Variants in LY75 observed in about 807,000 individuals in gnomAD.
LY75 encodes the protein lymphocyte antigen 75, also known as C-type lectin domain family 13 member B.
Under a neutral mutation model 231.7 loss-of-function variants are expected in LY75, and 185 were observed. The ratio of observed to expected loss-of-function variants is 0.80; its 90% CI spans 0.71 to 0.90. LY75 has a LOEUF of 0.90. Ranked by LOEUF, LY75 falls within the 40% of genes least tolerant of loss-of-function variation. The probability of loss-of-function intolerance (pLI) is 0.00; values close to 1 mark genes in which losing one functional copy is unlikely to be tolerated. For missense variants in LY75, 1,947 were observed against 2,050.2 expected, an observed-to-expected ratio of 0.95 and a Z score of 0.97; for synonymous variants, 668 against 689.0, an observed-to-expected ratio of 0.97 and a Z score of 0.48.
chr2:159,850,863 T>C (rs1339721202), intron 21 of LY75, among the ~76,000 whole-genome samples: 2 of 144,868 alleles, frequency 1.4e-5, no homozygotes, highest in Non-Finnish European at 3.0e-5. Flanking sequence ...ATATTATATC[T>C]TTATATATTT....
chr2:159,834,140 T>A lies in LY75; in HGVS notation c.3745A>T (p.Ile1249Leu), dbSNP rs988534799. The A allele has an allele frequency of 6.2e-7, 1 of 1,614,090 alleles. No homozygotes were observed. Among genetic ancestry groups the A allele is most frequent in the South Asian group, 1.1e-5 (1 of 91,078 alleles). ...CPSPVLNTPW[I>L]PFQNCCYNFI... ...TTGTAGCAACAGTTCTGAAATGGTA[T>A]CCACGGAGTATTTAGAACAGGAGAT... The change falls in exon 27 of 35, where the codon ATA (isoleucine) becomes TTA (leucine). Residue 1249 changes from isoleucine to leucine, a missense_variant. Coordinates refer to ENST00000263636, the MANE Select transcript of LY75 (RefSeq NM_002349.4).
chr2:159,902,541 G>C (rs1686111130), intron 1 of LY75: 1 of 152,182 alleles, frequency 6.6e-6, no homozygotes, highest in East Asian at 1.9e-4. Context: ...ACAGACAAAT[G>C]GATAGGGAAA....
chr2:159,851,225 A>T (rs2125854628), intron 21 of LY75, among the ~76,000 whole-genome samples: 1 of 152,282 alleles, frequency 6.6e-6, no homozygotes, highest in East Asian at 1.9e-4. Context: ...GTTAAAATGT[A>T]CCCCTAGCTT....
chr2:159,885,576 T>C (rs1014259662), intron 5 of LY75, among the ~76,000 whole-genome samples: 14 of 152,208 alleles, frequency 9.2e-5, no homozygotes, highest in Non-Finnish European at 1.5e-4. Flanking sequence ...GGCCATATTC[T>C]ATGCTTAGTA....
intron 3 of LY75, among the ~76,000 whole-genome samples, chr2:159,891,653 CACACA>C (rs1685761372): frequency 6.6e-6 from 1 of 152,188 alleles, no homozygotes; most frequent in African/African-American, 2.4e-5. Context: ...CCCCAGCACA[CACACA>C]ACACCCACAG....
chr2:159,807,840 T>A, intron 33 of LY75: 1 of 978,000 alleles, frequency 1.0e-6, no homozygotes, highest in Non-Finnish European at 1.2e-6. Flanking sequence ...CTAAACCCTG[T>A]ATCTACTATT....
Position 159,804,962 on chromosome 2 carries a change from G to C in LY75, c.*82C>G, listed in dbSNP as rs1022681041. 1.8e-6 allele frequency: 2 copies of C among 1,083,564 alleles called. No homozygotes were observed. The highest frequency in any genetic ancestry group is 2.7e-6 in the Non-Finnish European group (2 of 732,526). 67.1% of individuals were successfully genotyped at this position (1,083,564 alleles called of 1,614,324 possible). A position where few individuals can be genotyped will look rare whatever the true frequency, so the allele number is the denominator to read the frequency against. ...TATTTAAGAGTTCTACTTTGGAGCA[G>C]AGTAAATACTGACACTGGGACATTT... On this transcript the variant is annotated 3_prime_UTR_variant, in exon 35 of 35. Coordinates refer to ENST00000263636, the MANE Select transcript of LY75 (RefSeq NM_002349.4).
chr2:159,901,861 A>G (rs1686091377), intron 1 of LY75, among the ~76,000 whole-genome samples: 1 of 152,232 alleles, frequency 6.6e-6, no homozygotes, highest in South Asian at 2.1e-4. Flanking sequence ...CTCCATATAT[A>G]AGGTATGTAT....
chr2:159,837,277 A>T (rs1683860126), intron 25 of LY75, among the ~76,000 whole-genome samples: 1 of 152,254 alleles, frequency 6.6e-6, no homozygotes, highest in Admixed American at 6.5e-5. Flanking sequence ...AAGAAGATGT[A>T]GCACATATAC....
At chr2:159,820,996 G>A (rs541235754) in intron 28 of LY75, among the ~76,000 whole-genome samples, 29 of 152,180 alleles carry the variant, frequency 1.9e-4, no homozygotes, top group East Asian at 1.4e-3. Context: ...CCACCACCGC[G>A]GCTGGCTAAC....
chr2:159,818,809 A>G (rs1401777426), intron 29 of LY75, among the ~76,000 whole-genome samples: 1 of 132,170 alleles, frequency 7.6e-6, no homozygotes, highest in Non-Finnish European at 1.8e-5. Flanking sequence ...TGTAAAAAAA[A>G]TAAAGAAAGA....
intron 25 of LY75, among the ~76,000 whole-genome samples, chr2:159,839,382 G>GT (rs911629987): frequency 1.3e-5 from 2 of 152,182 alleles, no homozygotes; most frequent in African/African-American, 4.8e-5. Flanking sequence ...CTTCAGCTGT[G>GT]TAATGATTCC....
At chr2:159,814,550 G>A (rs1248485077) in intron 31 of LY75, among the ~76,000 whole-genome samples, 2 of 151,682 alleles carry the variant, frequency 1.3e-5, no homozygotes, top group East Asian at 3.9e-4. Context: ...AGCTACTCAG[G>A]AGGCTGAGTT....
chr2:159,898,511 C>T (rs998432440), intron 2 of LY75, among the ~76,000 whole-genome samples, 177 bp downstream of exon 2: 13 of 152,198 alleles, frequency 8.5e-5, no homozygotes, highest in African/African-American at 3.1e-4. Flanking sequence ...AAAGTAGAGG[C>T]AAATACCATG....
chr2:159,855,186 C>T (rs1338983107), intron 16 of LY75, among the ~76,000 whole-genome samples: 1 of 152,122 alleles, frequency 6.6e-6, no homozygotes, highest in Non-Finnish European at 1.5e-5. Context: ...AGTCTTTTAC[C>T]TTGTGTCACA....
intron 4 of LY75, among the ~76,000 whole-genome samples, chr2:159,889,737 T>G (rs1685695879): frequency 6.6e-6 from 1 of 152,192 alleles, no homozygotes; most frequent in South Asian, 2.1e-4. Context: ...AACAAAGTCC[T>G]ACCCATTCTG....
intron 5 of LY75, among the ~76,000 whole-genome samples, chr2:159,885,712 C>T (rs1574592948): frequency 6.6e-6 from 1 of 152,060 alleles, no homozygotes; most frequent in African/African-American, 2.4e-5. Flanking sequence ...AGTATTACTT[C>T]ATTTGCTGGT....
At chr2:159,874,073 A>T (rs1055838990) in intron 12 of LY75, among the ~76,000 whole-genome samples, 1 of 64,108 alleles carries the variant, frequency 1.6e-5, no homozygotes, top group African/African-American at 4.7e-5. Context: ...ATTTTGTAAA[A>T]ATATATAAAC....
chr2:159,855,016 A>G, intron 16 of LY75, 77 bp from the exon 17 acceptor site: 1 of 1,574,490 alleles, frequency 6.4e-7, no homozygotes, highest in Non-Finnish European at 8.7e-7. Flanking sequence ...CCTTTAATGT[A>G]GCTCGAAAGG....
Sources: allele counts gnomAD v4.1 joint callset (sites outside exome capture counted in the v4.1 genomes callset), GRCh38; gene constraint gnomAD v4.1.1; transcripts MANE v1.5; gene names NCBI Gene and HGNC (gene_info 2026-07-23, HGNC 2026-07-21).